Variants in FRY observed in about 807,000 individuals in gnomAD.
FRY encodes the protein protein furry homolog.
Under a neutral mutation model 348.4 loss-of-function variants are expected in FRY, and 128 were observed. The observed-to-expected ratio is 0.37, with a 90% CI of 0.32 to 0.43. The LOEUF (loss-of-function observed/expected upper bound fraction) is 0.43. Ranked by LOEUF, FRY falls within the 20% of genes least tolerant of loss-of-function variation. The probability of loss-of-function intolerance (pLI) is 1.00; values close to 1 mark genes in which losing one functional copy is unlikely to be tolerated. For synonymous variants in FRY, 1,370 were observed against 1,374.7 expected (o/e 1.00, Z 0.08); for missense variants, 2,736 against 3,695.2 (o/e 0.74, Z 6.73).
intron 35 of FRY, among the ~76,000 whole-genome samples, chr13:32,217,698 A>G (rs1456902631): frequency 6.6e-6 from 1 of 152,186 alleles, no homozygotes; most frequent in African/African-American, 2.4e-5. Flanking sequence ...TGCGGTCAAC[A>G]CTAGACAAGG....
chr13:32,255,519 C>T (rs1276045244), intron 51 of FRY, among the ~76,000 whole-genome samples: 20 of 152,176 alleles, frequency 1.3e-4, no homozygotes, highest in Admixed American at 8.5e-4. Context: ...ATCATGTCCT[C>T]GGAATAAAGA....
At chr13:32,179,843 T>A (rs767272608) in intron 23 of FRY, 44 bp downstream of exon 23, 1 of 1,586,744 alleles carries the variant, frequency 6.3e-7, no homozygotes, top group African/African-American at 1.3e-5. Context: ...TACATGCTGC[T>A]GCTATTGTAG....
intron 1 of FRY, among the ~76,000 whole-genome samples, chr13:32,058,405 G>T (rs1873757751): frequency 6.6e-6 from 1 of 152,162 alleles, no homozygotes; most frequent in South Asian, 2.1e-4. Context: ...AATTATTAGA[G>T]ATTTTATAAT....
At position 32,250,170 on chromosome 13, in the gene FRY, G is replaced by A. The variant is rs142548819; in HGVS notation, c.7170+483G>A. Among the ~76,000 whole-genome samples the A allele has an allele frequency of 4.4e-3, 664 of 152,312 alleles. 2 individuals are homozygous for A. Among genetic ancestry groups the A allele is most frequent in the Admixed American group, 6.7e-3 (103 of 15,308 alleles). ...CTGAGCCATGCAGATGGCAAGGGGC[G>A]GGGGTACTGCTGCCAGATTCTCTGT... On this transcript the variant is annotated intron_variant, in intron 49 of 60. Coordinates refer to ENST00000542859, the MANE Select transcript of FRY (RefSeq NM_023037.3).
rs1889449010 is a variant in FRY, at chr13:32,292,925, G to A, written c.8581-1443G>A. Among the ~76,000 whole-genome samples the A allele has an allele frequency of 2.0e-5, 3 of 152,074 alleles. No individual in the cohort carries two copies. The South Asian group carries it at 6.2e-4, about 32-fold the overall frequency. ...TCAGTCAGCAGCCATTAACATTAAG[G>A]CAAGATCCTCTACCAGCAAAAAGAT... On this transcript the variant is annotated intron_variant, in intron 59 of 60. Coordinates refer to ENST00000542859, the MANE Select transcript of FRY (RefSeq NM_023037.3).
Position 32,297,647 on chromosome 13 carries a change from C to T in FRY, c.*2187C>T, listed in dbSNP as rs887291077. On this transcript the variant is annotated 3_prime_UTR_variant, in exon 61 of 61. Coordinates refer to ENST00000542859, the MANE Select transcript of FRY (RefSeq NM_023037.3). Reference sequence around the variant, plus strand: ...CTTCTACTTTTCCTCTATCTCTTCACCTCCTCTACTTTAAGTGGAGATGGG... The same window carrying T: ...CTTCTACTTTTCCTCTATCTCTTCATCTCCTCTACTTTAAGTGGAGATGGG... 6.6e-6 allele frequency: 1 copy of T among 152,188 alleles called. No individual in the cohort carries two copies. Among genetic ancestry groups the T allele is most frequent in the African/African-American group, 2.4e-5 (1 of 41,438 alleles). The allele number at this position is 152,188 out of a possible 1,614,324, so 9.4% of individuals were successfully genotyped here. A position where few individuals can be genotyped will look rare whatever the true frequency, so the allele number is the denominator to read the frequency against.
chr13:32,069,657 A>G (rs1874493965), intron 1 of FRY, among the ~76,000 whole-genome samples: 1 of 152,246 alleles, frequency 6.6e-6, no homozygotes, highest in African/African-American at 2.4e-5. Context: ...TGAACTTTGA[A>G]GACATTATGC....
chr13:32,062,273 A>C (rs963229914), intron 1 of FRY, among the ~76,000 whole-genome samples: 2 of 151,980 alleles, frequency 1.3e-5, no homozygotes, highest in African/African-American at 4.8e-5. Flanking sequence ...GCATCATTAT[A>C]GGACTCATAT....
chr13:32,294,293 CT>C (rs113109030), intron 59 of FRY, 74 bp from the exon 60 acceptor site: 259 of 1,003,670 alleles, frequency 2.6e-4, no homozygotes, highest in Non-Finnish European at 3.1e-4. Context: ...CCATAAGATC[CT>C]TTTTTTTTCC....
chr13:32,225,374 A>G (rs1384902317), intron 38 of FRY, among the ~76,000 whole-genome samples: 2 of 152,244 alleles, frequency 1.3e-5, no homozygotes, highest in African/African-American at 4.8e-5. Context: ...AAGAAAGGAT[A>G]TAGGACGGAG....
intron 36 of FRY, among the ~76,000 whole-genome samples, chr13:32,220,140 C>T (rs1048459735): frequency 6.6e-6 from 1 of 152,204 alleles, no homozygotes; most frequent in Non-Finnish European, 1.5e-5. Flanking sequence ...AATATACTGA[C>T]ATTTCATGAG....
At chr13:32,113,046 G>C (rs1878069983) in intron 3 of FRY, among the ~76,000 whole-genome samples, 1 of 152,158 alleles carries the variant, frequency 6.6e-6, no homozygotes, top group South Asian at 2.1e-4. Context: ...AGATTTTTAT[G>C]ATATTGTTTT....
chr13:32,073,463 C>T (rs1436882902), intron 1 of FRY, among the ~76,000 whole-genome samples: 1 of 152,090 alleles, frequency 6.6e-6, no homozygotes, highest in Non-Finnish European at 1.5e-5. Context: ...GTCCCTCTAG[C>T]CACTTACTCT....
At chr13:32,118,019 A>G (rs61013080) in intron 4 of FRY, among the ~76,000 whole-genome samples, 12,751 of 152,206 alleles carry the variant, frequency 0.084, 591 homozygotes, top group African/African-American at 0.14. Context: ...TCCTCCTTCC[A>G]GCTGAGTATT....
At chr13:32,122,102 A>G (rs1446563314) in intron 4 of FRY, among the ~76,000 whole-genome samples, 2 of 152,140 alleles carry the variant, frequency 1.3e-5, no homozygotes, top group Non-Finnish European at 2.9e-5. Flanking sequence ...CACCACATAA[A>G]CAGAATTAAA....
intron 10 of FRY, among the ~76,000 whole-genome samples, chr13:32,135,913 G>T (rs758715843): frequency 1.2e-4 from 19 of 152,108 alleles, no homozygotes; most frequent in Non-Finnish European, 2.2e-4. Context: ...TGACAAATTT[G>T]CTCATTCGTC....
chr13:32,079,063 T>C, intron 2 of FRY, 30 bp downstream of exon 2: 1 of 1,428,372 alleles, frequency 7.0e-7, no homozygotes, highest in Non-Finnish European at 9.9e-7. Flanking sequence ...ACTGCCTCTT[T>C]GAAAATTCAT....
At chr13:32,062,223 A>C (rs1175300244) in intron 1 of FRY, among the ~76,000 whole-genome samples, 2 of 151,858 alleles carry the variant, frequency 1.3e-5, no homozygotes, top group African/African-American at 4.8e-5. Context: ...CATACAAGAT[A>C]AATGATTAAA....
intron 17 of FRY, among the ~76,000 whole-genome samples, chr13:32,162,208 A>G (rs970360560): frequency 6.6e-6 from 1 of 152,220 alleles, no homozygotes; most frequent in African/African-American, 2.4e-5. Flanking sequence ...AAAAATGTCA[A>G]TTTAGGCTCT....
Sources: gnomAD v4.1 joint callset for allele counts (sites outside exome capture counted in the v4.1 genomes callset) on GRCh38, gnomAD v4.1.1 for gene constraint, MANE v1.5 for transcripts, NCBI Gene and HGNC (gene_info 2026-07-23, HGNC 2026-07-21) for gene names.